The following SAMSN1 variants were observed in gnomAD, a reference collection of about 807,000 sequenced individuals.
The protein encoded by SAMSN1 is SAM domain, SH3 domain and nuclear localization signals 1, also known as SAM domain-containing protein SAMSN-1.
A neutral mutation model predicts 42.0 loss-of-function variants in SAMSN1; 31 were observed. The observed-to-expected ratio is 0.74, with a 90% CI of 0.55 to 1.00. SAMSN1 has a LOEUF of 1.00. Among genes scored for constraint, SAMSN1 ranks in the 50% least tolerant of loss-of-function variants. The pLI is 0.00. For missense variants in SAMSN1, 464 were observed against 439.4 expected (o/e 1.06, Z -0.50); for synonymous variants, 178 against 151.9 (o/e 1.17, Z -1.26).
chr21:14,516,273 A>G (rs996982982), intron 3 of SAMSN1, among the ~76,000 whole-genome samples: 4 of 152,238 alleles, frequency 2.6e-5, no homozygotes, highest in Admixed American at 2.0e-4. Context: ...TGATCCATCT[A>G]TAAAAGGAGA....
intron 2 of SAMSN1, among the ~76,000 whole-genome samples, chr21:14,555,149 T>C (rs1335059418): frequency 1.3e-5 from 2 of 152,216 alleles, no homozygotes; most frequent in Non-Finnish European, 2.9e-5. Context: ...AGGCTGAGCC[T>C]CTCAGGGCCT....
chr21:14,563,453 A>T (rs533979504), intron 2 of SAMSN1, among the ~76,000 whole-genome samples: 1 of 152,214 alleles, frequency 6.6e-6, no homozygotes. Flanking sequence ...TACACAATTT[A>T]GTATTCAGTT....
chr21:14,498,733 G>A lies in SAMSN1; in HGVS notation c.769-141C>T, dbSNP rs186902264. ...CTTTTACTTAACTTCACTTGTATTC[G>A]TTTCTGACATATGAACTCCAGGGCT... is the stretch of plus-strand genomic sequence containing the variant. On this transcript the variant is annotated intron_variant, in intron 6 of 7. Transcript: ENST00000400566. 246 of 584,266 alleles carry A rather than the reference G, an allele frequency of 4.2e-4. 1 individual carries two copies. The highest frequency in any genetic ancestry group is 5.8e-4 in the Non-Finnish European group (208 of 356,200). 36.2% of individuals were successfully genotyped at this position (584,266 alleles called of 1,614,324 possible). A position where few individuals can be genotyped will look rare whatever the true frequency, so the allele number is the denominator to read the frequency against.
At chr21:14,557,517 G>A (rs1980801738) in intron 2 of SAMSN1, among the ~76,000 whole-genome samples, 1 of 152,116 alleles carries the variant, frequency 6.6e-6, no homozygotes, top group Non-Finnish European at 1.5e-5. Flanking sequence ...TTCAAAGCCT[G>A]TACACACATC....
At chr21:14,648,603 G>A (rs1291269530) in intron 1 of SAMSN1, among the ~76,000 whole-genome samples, 2 of 151,844 alleles carry the variant, frequency 1.3e-5, no homozygotes, top group Non-Finnish European at 1.5e-5. Flanking sequence ...TCAAAAAGTG[G>A]GCAAAGGATA....
rs950847478 is a variant in SAMSN1, at chr21:14,485,657, C to T, written c.*255G>A. The T allele has an allele frequency of 3.1e-6, 1 of 321,190 alleles. No homozygotes were observed. The highest frequency in any genetic ancestry group is 5.7e-6 in the Non-Finnish European group (1 of 174,926). The allele number at this position is 321,190 out of a possible 1,614,324, so 19.9% of individuals were successfully genotyped here. On this transcript the variant is annotated 3_prime_UTR_variant, in exon 8 of 8. Coordinates refer to ENST00000400566, the MANE Select transcript of SAMSN1 (RefSeq NM_022136.5). ...AAGCATATGTCACACATACCAAAGT[C>T]TTACATTTTGCCTTTCTAATACAAG...
At chr21:14,569,345 C>G (rs1981218716) in intron 2 of SAMSN1, among the ~76,000 whole-genome samples, 1 of 152,118 alleles carries the variant, frequency 6.6e-6, no homozygotes. Context: ...AAAGATAATT[C>G]TCTTCCACAT....
At chr21:14,563,618 T>C (rs898809257) in intron 2 of SAMSN1, among the ~76,000 whole-genome samples, 13 of 152,162 alleles carry the variant, frequency 8.5e-5, no homozygotes, top group Admixed American at 3.3e-4. Context: ...ACAAATGTAG[T>C]GTAGTCTTAC....
chr21:14,620,987 T>C (rs1230481188), intron 2 of SAMSN1, among the ~76,000 whole-genome samples: 1 of 152,240 alleles, frequency 6.6e-6, no homozygotes, highest in Non-Finnish European at 1.5e-5. Context: ...GTTATATTAA[T>C]ATTAAAATAC....
At chr21:14,525,615 A>C (rs766848183) in intron 1 of SAMSN1, among the ~76,000 whole-genome samples, 1 of 152,226 alleles carries the variant, frequency 6.6e-6, no homozygotes, top group South Asian at 2.1e-4. Context: ...TAAGGAAGTA[A>C]TGTTACTCTC....
chr21:14,616,470 A>G (rs748107723), intron 2 of SAMSN1, among the ~76,000 whole-genome samples: 4 of 152,196 alleles, frequency 2.6e-5, no homozygotes, highest in Non-Finnish European at 5.9e-5. Context: ...AAAAATGGAA[A>G]GTAGCCTATC....
At chr21:14,602,476 C>T (rs1409319860) in intron 5 of SAMSN1, among the ~76,000 whole-genome samples, 2 of 152,126 alleles carry the variant, frequency 1.3e-5, no homozygotes, top group Admixed American at 1.3e-4. Context: ...CTAAGCTTTC[C>T]ACCCCTGGCA....
chr21:14,650,917 AAAAATCT>A (rs1983823352), intron 1 of SAMSN1, among the ~76,000 whole-genome samples: 1 of 151,948 alleles, frequency 6.6e-6, no homozygotes, highest in Admixed American at 6.6e-5. Context: ...AATATATTTA[AAAAATCT>A]AGAAGAAATG....
intron 2 of SAMSN1, among the ~76,000 whole-genome samples, chr21:14,560,045 T>A (rs1980896668): frequency 6.6e-6 from 1 of 152,152 alleles, no homozygotes; most frequent in South Asian, 2.1e-4. Flanking sequence ...ACTTTACAGT[T>A]CAGTGGGAAG....
At chr21:14,588,844 G>A (rs1366365114) in intron 7 of SAMSN1, among the ~76,000 whole-genome samples, 1 of 149,866 alleles carries the variant, frequency 6.7e-6, no homozygotes, top group Non-Finnish European at 1.5e-5. Context: ...TGAAACTACT[G>A]TCAAGTCTCT....
chr21:14,609,427 C>T (rs1982647773), intron 5 of SAMSN1: 13 of 710,238 alleles, frequency 1.8e-5, no homozygotes, highest in Middle Eastern at 2.3e-4. Flanking sequence ...TCTTACCTGC[C>T]CTTTAAACTA....
intron 2 of SAMSN1, among the ~76,000 whole-genome samples, chr21:14,568,930 C>T (rs1055670555): frequency 4.6e-5 from 7 of 152,000 alleles, no homozygotes; most frequent in African/African-American, 1.7e-4. Context: ...CACAAAAATG[C>T]ACTCCTTCAA....
chr21:14,649,542 G>T (rs1021072742), intron 1 of SAMSN1, among the ~76,000 whole-genome samples: 1 of 152,108 alleles, frequency 6.6e-6, no homozygotes, highest in East Asian at 1.9e-4. Context: ...GGCCAAGGTG[G>T]ATGGATCACC....
At chr21:14,596,364 G>A (rs902904241) in intron 6 of SAMSN1, among the ~76,000 whole-genome samples, 2 of 151,938 alleles carry the variant, frequency 1.3e-5, no homozygotes, top group Non-Finnish European at 2.9e-5. Flanking sequence ...CTGCTCTTTG[G>A]AAGTAGAAAA....
Sources: gnomAD v4.1 joint callset for allele counts (sites outside exome capture counted in the v4.1 genomes callset) on GRCh38, gnomAD v4.1.1 for gene constraint, MANE v1.5 for transcripts, NCBI Gene and HGNC (gene_info 2026-07-23, HGNC 2026-07-21) for gene names.